ALPK3: variants seen among roughly 807,000 people sequenced by gnomAD.
ALPK3 encodes alpha kinase 3.
Under a neutral mutation model 140.0 loss-of-function variants are expected in ALPK3, and 102 were observed. The ratio of observed to expected loss-of-function variants is 0.73; its 90% confidence interval spans 0.62 to 0.86. The LOEUF is 0.86. Ranked by LOEUF, ALPK3 falls within the 40% of genes least tolerant of loss-of-function variation. The probability of loss-of-function intolerance (pLI) is 0.00; values close to 1 mark genes in which losing one functional copy is unlikely to be tolerated. For synonymous variants in ALPK3, 938 were observed against 898.5 expected (o/e 1.04, Z -0.79); for missense variants, 2,254 against 2,208.2 (o/e 1.02, Z -0.42).
rs746635508 is a variant in ALPK3, at chr15:84,839,111, G to A, written c.422+14G>A. On this transcript the variant is annotated intron_variant, in intron 4 of 13. Coordinates refer to ENST00000258888, the MANE Select transcript of ALPK3 (RefSeq NM_020778.5). ...GCAGCTGTACAGGTGAGGGAGAAGG[G>A]CCTGTTTTGCTCTCTCTGCCCTCCC... is the stretch of plus-strand genomic sequence containing the variant. The A allele has an allele frequency of 3.8e-6, 6 of 1,593,994 alleles. No homozygotes were observed. In the East Asian group the frequency reaches 1.1e-4, roughly 30 times the overall value.
chr15:84,868,533 A>G lies in ALPK3; in HGVS notation c.*77A>G. The G allele has an allele frequency of 7.4e-7, 1 of 1,350,810 alleles. No homozygotes were observed. Among genetic ancestry groups the G allele is most frequent in the Non-Finnish European group, 9.9e-7 (1 of 1,006,358 alleles). 83.7% of individuals were successfully genotyped at this position (1,350,810 alleles called of 1,614,324 possible). A position where few individuals can be genotyped will look rare whatever the true frequency, so the allele number is the denominator to read the frequency against. Reference sequence around the variant, plus strand: ...GCTTGAACTGGATGGAGACTTTCCAAATATGGAACTAACTGGAGAAGGTGC... The same window carrying G: ...GCTTGAACTGGATGGAGACTTTCCAGATATGGAACTAACTGGAGAAGGTGC... On this transcript the variant is annotated 3_prime_UTR_variant, in exon 14 of 14. Coordinates refer to ENST00000258888, the MANE Select transcript of ALPK3 (RefSeq NM_020778.5).
At chr15:84,852,233 TACTTGC>T (rs1963812932) in intron 5 of ALPK3, among the ~76,000 whole-genome samples, 1 of 152,216 alleles carries the variant, frequency 6.6e-6, no homozygotes, top group Non-Finnish European at 1.5e-5. Context: ...AAATAATGGT[TACTTGC>T]ACGCAAGCCC....
In ALPK3 at chr15:84,856,448, T is replaced by G; in HGVS notation, c.1710T>G (p.Asp570Glu). ...APTMSASSSS[D>E]VASIGVSTSG... ...CCATGTCGGCCAGCAGCAGCTCTGA[T>G]GTAGCCTCCATTGGGGTTAGCACTT... is the stretch of plus-strand genomic sequence containing the variant. The change falls in exon 6 of 14, where the codon GAT becomes GAG. Residue 570 changes from aspartate (D) to glutamate (E), a missense_variant. By Grantham distance (45) the Asp-to-Glu change is conservative. This residue lies in a region of ALPK3 where 2,088 missense variants were observed against 2,022.9 expected (regional missense o/e 1.03). Transcript: ENST00000258888. The G allele has an allele frequency of 6.2e-7, 1 of 1,613,698 alleles. No individual in the cohort carries two copies.
At position 84,858,306 on chromosome 15, in the gene ALPK3, A is replaced by G. The variant is rs942995582; in HGVS notation, c.3568A>G (p.Thr1190Ala). The G allele has an allele frequency of 6.4e-7, 1 of 1,572,024 alleles. No homozygotes were observed. The highest frequency in any genetic ancestry group is 1.4e-5 in the African/African-American group (1 of 73,884). The change falls in exon 6 of 14, where the codon ACG becomes GCG. Residue 1190 changes from threonine (T) to alanine (A), a missense_variant. Around this residue, in one of 3 missense-constraint regions of ALPK3, gnomAD observed 2,088 missense variants for 2,022.9 expected, o/e 1.03. Coordinates refer to ENST00000258888, the MANE Select transcript of ALPK3 (RefSeq NM_020778.5). ...CACACCTGAAGAAAGGGAGAGCCCCACGGTTTCCCCCCGGGGGCCCAGGAA... is the reference window on the plus strand; with the variant it reads ...CACACCTGAAGAAAGGGAGAGCCCCGCGGTTTCCCCCCGGGGGCCCAGGAA... ...ATTPEERESPTVSPRGPRKSL... is the reference protein window; with the variant it reads ...ATTPEERESPAVSPRGPRKSL...
rs1374187352 is a variant in ALPK3, at chr15:84,856,847, G to A, written c.2109G>A (p.Gly703=). The change falls in exon 6 of 14, where the codon GGG becomes GGA. Residue 703 remains glycine (G), a synonymous_variant. Transcript: ENST00000258888. ...QEDRRMQGEK[G]MQGEKGTQSE... is the part of the protein sequence containing the mutation. ...ACAGAAGGATGCAGGGAGAGAAGGG[G>A]ATGCAGGGAGAGAAGGGGACGCAGT... 6.2e-7 allele frequency: 1 copy of A among 1,613,966 alleles called. No homozygotes were observed.
chr15:84,825,184 T>C (rs931598745), intron 2 of ALPK3, among the ~76,000 whole-genome samples: 6 of 151,452 alleles, frequency 4.0e-5, no homozygotes, highest in African/African-American at 1.5e-4. Context: ...TTTATTTTAT[T>C]ATTATTTTTT....
At position 84,839,943 on chromosome 15, in the gene ALPK3, CAGCGAAAGCGGCGATTG is replaced by C; in HGVS notation, c.669_685del (p.Lys224GlyfsTer14). 2 of 1,613,612 alleles carry C rather than the reference CAGCGAAAGCGGCGATTG, an allele frequency of 1.2e-6. No homozygotes were observed. Among genetic ancestry groups the C allele is most frequent in the Non-Finnish European group, 1.7e-6 (2 of 1,179,764 alleles). On this transcript the variant is annotated frameshift_variant, in exon 5 of 14. Transcript: ENST00000258888. LOFTEE classifies it high-confidence loss of function. ...GCGCAAGCTCAGCCCCGACCGCTTC[CAGCGAAAGCGGCGATTG>C]AGCGGGGCTCAAGCGCCGGGCCCCT...
intron 3 of ALPK3, among the ~76,000 whole-genome samples, chr15:84,829,731 C>T (rs1963525718): frequency 6.6e-6 from 1 of 152,174 alleles, no homozygotes; most frequent in Non-Finnish European, 1.5e-5. Context: ...CAGGGGTGTG[C>T]TTTTTACTAT....
intron 5 of ALPK3, among the ~76,000 whole-genome samples, chr15:84,841,397 TTATC>T (rs1462668061): frequency 1.3e-5 from 2 of 152,210 alleles, no homozygotes; most frequent in Non-Finnish European, 2.9e-5. Context: ...AAATCTGGGT[TTATC>T]TAAGGTTCTG....
chr15:84,840,070 G>T lies in ALPK3; in HGVS notation c.791G>T (p.Gly264Val), dbSNP rs747849453. ...ETETAQHSGL[G>V]LINSFASGEV... ...GAGACTGCTCAGCACTCAGGTTTGG[G>T]CCTGATCAACAGTTTTGCTTCTGGA... is the stretch of plus-strand genomic sequence containing the variant. Residue 264 changes from glycine (G) to valine (V), a missense_variant, in exon 5 of 14, where the codon GGC becomes GTC. Gly to Val is a moderately radical substitution (Grantham distance 109). Around this residue, in one of 3 missense-constraint regions of ALPK3, gnomAD observed 2,088 missense variants for 2,022.9 expected, o/e 1.03. Transcript: ENST00000258888. The T allele has an allele frequency of 3.2e-5, 51 of 1,614,004 alleles. No homozygotes were observed. Among genetic ancestry groups the T allele is most frequent in the Admixed American group, 2.0e-4 (12 of 59,998 alleles).
At chr15:84,819,577 G>A (rs1481432382) in intron 1 of ALPK3, among the ~76,000 whole-genome samples, 1 of 152,198 alleles carries the variant, frequency 6.6e-6, no homozygotes, top group Non-Finnish European at 1.5e-5. Flanking sequence ...CGTACTGTCT[G>A]CTGTCCCTCA....
intron 1 of ALPK3, among the ~76,000 whole-genome samples, chr15:84,820,279 G>A (rs1215080050): frequency 6.6e-6 from 1 of 152,102 alleles, no homozygotes; most frequent in Non-Finnish European, 1.5e-5. Context: ...ACTACAGACA[G>A]CTTTGAAACA....
chr15:84,868,667 A>G lies in ALPK3; in HGVS notation c.*211A>G. On this transcript the variant is annotated 3_prime_UTR_variant, in exon 14 of 14. Transcript: ENST00000258888. ...TAGCCCACTGGCCTCTTCTGGTGCC[A>G]CTGTCACCCAGGGCTCCCGGGCCTC... The G allele has an allele frequency of 5.1e-6, 3 of 593,688 alleles. No homozygotes were observed. Among genetic ancestry groups the G allele is most frequent in the Non-Finnish European group, 8.8e-6 (3 of 340,928 alleles). The allele number at this position is 593,688 out of a possible 1,614,324, so 36.8% of individuals were successfully genotyped here.
At position 84,839,990 on chromosome 15, in the gene ALPK3, C is replaced by A. The variant is rs772800830; in HGVS notation, c.711C>A (p.Val237=). Residue 237 remains valine (V), a synonymous_variant, in exon 5 of 14, where the codon GTC becomes GTA. Transcript: ENST00000258888. ...LSGAQAPGPS[V]PTREPEGGTL... ...GGGCTCAAGCGCCGGGCCCCTCGGTCCCTACCAGGGAGCCTGAGGGTGGGA... is the reference window on the plus strand; with the variant it reads ...GGGCTCAAGCGCCGGGCCCCTCGGTACCTACCAGGGAGCCTGAGGGTGGGA... The A allele has an allele frequency of 1.2e-6, 2 of 1,613,046 alleles. No homozygotes were observed. Among genetic ancestry groups the A allele is most frequent in the South Asian group, 2.2e-5 (2 of 91,024 alleles).
At chr15:84,862,228 G>GA in intron 9 of ALPK3, among the ~76,000 whole-genome samples, 1 of 152,276 alleles carries the variant, frequency 6.6e-6, no homozygotes, top group East Asian at 1.9e-4. Context: ...CGTGTTGGTT[G>GA]AAATGGAGTC....
intron 2 of ALPK3, among the ~76,000 whole-genome samples, chr15:84,825,656 A>G (rs1963478248): frequency 6.6e-6 from 1 of 152,198 alleles, no homozygotes; most frequent in Non-Finnish European, 1.5e-5. Context: ...GATAGGATTC[A>G]AATTATGCAG....
chr15:84,864,021 G>A (rs1163445354), intron 11 of ALPK3, among the ~76,000 whole-genome samples: 1 of 152,158 alleles, frequency 6.6e-6, no homozygotes, highest in Non-Finnish European at 1.5e-5. Flanking sequence ...ATTTTTGTAG[G>A]AGTCAGCTAT....
At chr15:84,819,635 G>A (rs956880070) in intron 1 of ALPK3, among the ~76,000 whole-genome samples, 1 of 152,192 alleles carries the variant, frequency 6.6e-6, no homozygotes, top group Non-Finnish European at 1.5e-5. Flanking sequence ...CTAGAGATAG[G>A]GAGAAAGACA....
At chr15:84,864,722 A>G in intron 12 of ALPK3, 57 bp downstream of exon 12, 2 of 1,555,618 alleles carry the variant, frequency 1.3e-6, no homozygotes, top group East Asian at 2.3e-5. Flanking sequence ...AAGCATGCAG[A>G]GGAGGCAAAG....
Sources: allele counts gnomAD v4.1 joint callset (sites outside exome capture counted in the v4.1 genomes callset), GRCh38; gene constraint gnomAD v4.1.1; regional missense constraint gnomAD v4.1.1; transcripts MANE v1.5; gene names NCBI Gene and HGNC (gene_info 2026-07-23, HGNC 2026-07-21).